Variants in TACR3 observed in about 807,000 individuals in gnomAD.
TACR3 encodes neuromedin-K receptor.
TACR3 carries 34 observed loss-of-function variants against 35.0 expected under a neutral mutation model. The observed-to-expected ratio is 0.97, with a 90% confidence interval of 0.74 to 1.30. TACR3 has a LOEUF of 1.30. Among genes scored for constraint, TACR3 ranks in the 50% most tolerant of loss-of-function variants. The probability of loss-of-function intolerance (pLI) is 0.00; values close to 1 mark genes in which losing one functional copy is unlikely to be tolerated. For synonymous variants in TACR3, 233 were observed against 221.1 expected, an observed-to-expected ratio of 1.05 and a Z score of -0.48; for missense variants, 558 against 591.7, an observed-to-expected ratio of 0.94 and a Z score of 0.59.
At chr4:103,658,728 C>T (rs1297536868) in intron 1 of TACR3, among the ~76,000 whole-genome samples, 1 of 152,084 alleles carries the variant, frequency 6.6e-6, no homozygotes. Flanking sequence ...CGGTGCCCAG[C>T]CTTTTGGCAC....
intron 1 of TACR3, among the ~76,000 whole-genome samples, chr4:103,662,663 AC>A (rs1301877880): frequency 2.0e-5 from 3 of 152,238 alleles, no homozygotes; most frequent in Non-Finnish European, 4.4e-5. Context: ...GTGGTCTCTA[AC>A]CCAATATGAC....
In TACR3 at chr4:103,687,095, T is replaced by C. The variant is rs540995397; in HGVS notation, c.549-28692A>G. On this transcript the variant is annotated intron_variant, in intron 1 of 4. Transcript: ENST00000304883. ...TGGGATGCAAGGCTGGTTCAATATA[T>C]GCAAATCAATAAATGTAATCCAGCA... Among the ~76,000 whole-genome samples the C allele has an allele frequency of 7.5e-4, 114 of 151,738 alleles. 1 individual carries two copies. The highest frequency in any genetic ancestry group is 2.6e-3 in the African/African-American group (108 of 41,422).
chr4:103,678,755 T>A (rs1726226300), intron 1 of TACR3, among the ~76,000 whole-genome samples: 1 of 150,734 alleles, frequency 6.6e-6, no homozygotes, highest in Admixed American at 6.6e-5. Context: ...AGTGGTCAGT[T>A]CATGCATGAG....
At chr4:103,653,376 C>G (rs1382797902) in intron 3 of TACR3, among the ~76,000 whole-genome samples, 1 of 151,794 alleles carries the variant, frequency 6.6e-6, no homozygotes, top group African/African-American at 2.4e-5. Context: ...ACAAAAGAAA[C>G]ACTCAGATTA....
At chr4:103,677,356 T>G (rs1290359954) in intron 1 of TACR3, among the ~76,000 whole-genome samples, 1 of 152,108 alleles carries the variant, frequency 6.6e-6, no homozygotes, top group Non-Finnish European at 1.5e-5. Context: ...ATCCCATTAC[T>G]GATATATACC....
At chr4:103,621,745 A>ATTT (rs1250834671) in intron 3 of TACR3, among the ~76,000 whole-genome samples, 1 of 152,186 alleles carries the variant, frequency 6.6e-6, no homozygotes, top group Admixed American at 6.5e-5. Context: ...AAAAATTATT[A>ATTT]TTTAGTTTTT....
chr4:103,665,750 C>T (rs1483477406), intron 1 of TACR3, among the ~76,000 whole-genome samples: 1 of 152,080 alleles, frequency 6.6e-6, no homozygotes, highest in Non-Finnish European at 1.5e-5. Flanking sequence ...AGTGTGATGG[C>T]CTGTGTGCTC....
At chr4:103,603,259 G>A (rs1724256352) in intron 3 of TACR3, among the ~76,000 whole-genome samples, 1 of 152,166 alleles carries the variant, frequency 6.6e-6, no homozygotes, top group African/African-American at 2.4e-5. Context: ...GAAATATTAG[G>A]GTGGGAGTGA....
At chr4:103,709,686 G>C (rs974085562) in intron 1 of TACR3, among the ~76,000 whole-genome samples, 1 of 152,120 alleles carries the variant, frequency 6.6e-6, no homozygotes, top group Non-Finnish European at 1.5e-5. Flanking sequence ...TAGGCTAAAT[G>C]CTCCAATTAA....
rs373567738 is a variant in TACR3, at chr4:103,698,733, A to G, written c.548+20395T>C. Among the ~76,000 whole-genome samples, 17 of 152,200 alleles carry G rather than the reference A, an allele frequency of 1.1e-4. No homozygotes were observed. The East Asian group carries it at 1.4e-3, about 12-fold the overall frequency. On this transcript the variant is annotated intron_variant, in intron 1 of 4. Coordinates refer to ENST00000304883, the MANE Select transcript of TACR3 (RefSeq NM_001059.3). ...TAGTTACTAGAAGATGAATAACATAACAGTGTGACTATAGTTAGCAATAAT... is the reference window on the plus strand; with the variant it reads ...TAGTTACTAGAAGATGAATAACATAGCAGTGTGACTATAGTTAGCAATAAT...
chr4:103,607,536 C>G (rs1469242543), intron 3 of TACR3, among the ~76,000 whole-genome samples: 1 of 151,922 alleles, frequency 6.6e-6, no homozygotes, highest in African/African-American at 2.4e-5. Flanking sequence ...GTTTTTGTCT[C>G]TAGCAGGCTG....
At chr4:103,708,758 G>T (rs1722861266) in intron 1 of TACR3, among the ~76,000 whole-genome samples, 2 of 152,172 alleles carry the variant, frequency 1.3e-5, no homozygotes, top group African/African-American at 4.8e-5. Context: ...AAAACCTTGA[G>T]AAAAGATTAG....
intron 3 of TACR3, among the ~76,000 whole-genome samples, chr4:103,614,025 G>A (rs1724575043): frequency 6.6e-6 from 1 of 152,124 alleles, no homozygotes; most frequent in South Asian, 2.1e-4. Flanking sequence ...CCTCCTTATA[G>A]ACCTCATTTA....
intron 3 of TACR3, among the ~76,000 whole-genome samples, chr4:103,604,642 T>G (rs1297045311): frequency 2.0e-5 from 3 of 152,052 alleles, no homozygotes; most frequent in Admixed American, 2.0e-4. Context: ...TGTATCCATC[T>G]GACAAAGGGC....
intron 1 of TACR3, among the ~76,000 whole-genome samples, chr4:103,680,628 T>A (rs898640519): frequency 2.0e-5 from 3 of 151,436 alleles, no homozygotes; most frequent in African/African-American, 7.3e-5. Context: ...GAATATTTTC[T>A]CATTTGTACC....
intron 3 of TACR3, among the ~76,000 whole-genome samples, chr4:103,644,882 A>G (rs951607461): frequency 1.3e-5 from 2 of 151,838 alleles, no homozygotes; most frequent in African/African-American, 4.8e-5. Context: ...AAATGTGGAA[A>G]TGTGTCCTGA....
intron 3 of TACR3, among the ~76,000 whole-genome samples, chr4:103,614,882 G>GTT (rs1325226834): frequency 5.5e-5 from 5 of 90,812 alleles, no homozygotes; most frequent in East Asian, 4.1e-4. Context: ...GATTATGAAT[G>GTT]TGTTTTTTTT....
intron 1 of TACR3, among the ~76,000 whole-genome samples, chr4:103,709,755 G>A (rs558030426): frequency 1.3e-5 from 2 of 152,198 alleles, no homozygotes; most frequent in African/African-American, 4.8e-5. Context: ...CTGAATTCAG[G>A]AGACCCATGT....
intron 3 of TACR3, among the ~76,000 whole-genome samples, chr4:103,609,458 T>C (rs1480508895): frequency 2.0e-5 from 3 of 151,852 alleles, no homozygotes; most frequent in Non-Finnish European, 2.9e-5. Flanking sequence ...ATTTGGTCTT[T>C]TATTTTTATG....
Sources: gnomAD v4.1 joint callset for allele counts (sites outside exome capture counted in the v4.1 genomes callset) on GRCh38, gnomAD v4.1.1 for gene constraint, MANE v1.5 for transcripts, NCBI Gene and HGNC (gene_info 2026-07-23, HGNC 2026-07-21) for gene names.